ERVMER34-1: variants seen among roughly 807,000 people sequenced by gnomAD.
The protein encoded by ERVMER34-1 is endogenous retrovirus group MER34 member 1, envelope.
For synonymous variants in ERVMER34-1, 199 were observed against 111.7 expected (o/e 1.78, Z -4.93); for missense variants, 471 against 295.1 (o/e 1.60, Z -4.37).
chr4:52,744,597 C>A lies in ERVMER34-1; in HGVS notation c.924G>T (p.Gly308=), dbSNP rs747989896. The A allele has an allele frequency of 5.7e-6, 4 of 704,024 alleles. No individual in the cohort carries two copies. The South Asian group carries it at 5.9e-5, about 10-fold the overall frequency. 43.6% of individuals were successfully genotyped at this position (704,024 alleles called of 1,614,324 possible). The change falls in exon 3 of 3, where the codon GGG becomes GGT. Residue 308 remains glycine (G), a synonymous_variant. Transcript: ENST00000443173. The part of the protein sequence containing the change: ...FFLCGNGVYK[G]FPPKWSGRCG... ...ATCGCCCAGACCATTTAGGTGGAAA[C>A]CCTTTGTACACCCCATTGCCGCACA...
intron 2 of ERVMER34-1, among the ~76,000 whole-genome samples, chr4:52,747,183 C>CA (rs1002440926): frequency 2.6e-5 from 4 of 151,950 alleles, no homozygotes; most frequent in African/African-American, 9.7e-5. Flanking sequence ...GACCCAAGAT[C>CA]ACGCCACTGC....
rs1408808698 is a variant in ERVMER34-1, at chr4:52,744,607, A to AC, written c.913dup (p.Val305GlyfsTer8). 1 of 703,928 alleles carries AC rather than the reference A, an allele frequency of 1.4e-6. No individual in the cohort carries two copies. The highest frequency in any genetic ancestry group is 1.5e-5 in the South Asian group (1 of 67,582). The allele number at this position is 703,928 out of a possible 1,614,324, so 43.6% of individuals were successfully genotyped here. A position where few individuals can be genotyped will look rare whatever the true frequency, so the allele number is the denominator to read the frequency against. On this transcript the variant is annotated frameshift_variant, in exon 3 of 3. Transcript: ENST00000443173. LOFTEE classifies it low-confidence loss of function (END_TRUNC). ...CCATTTAGGTGGAAACCCTTTGTAC[A>AC]CCCCATTGCCGCACAAAAAAAAGAG...
intron 2 of ERVMER34-1, chr4:52,750,568 C>T (rs530832153): frequency 6.6e-6 from 1 of 152,194 alleles, no homozygotes; most frequent in Admixed American, 6.5e-5. Context: ...TGCCCCACAA[C>T]CTAAAACAGA....
In ERVMER34-1 at chr4:52,745,744, C is replaced by T. The variant is rs892494284; in HGVS notation, c.-224G>A. 29 of 552,544 alleles carry T rather than the reference C, an allele frequency of 5.2e-5. No homozygotes were observed. The highest frequency in any genetic ancestry group is 1.2e-4 in the South Asian group (5 of 43,358). 34.2% of individuals were successfully genotyped at this position (552,544 alleles called of 1,614,324 possible). A position where few individuals can be genotyped will look rare whatever the true frequency, so the allele number is the denominator to read the frequency against. On this transcript the variant is annotated 5_prime_UTR_variant, in exon 3 of 3. It removes the in-frame stop codon of an upstream open reading frame in the 5' UTR. Coordinates refer to ENST00000443173, the MANE Select transcript of ERVMER34-1 (RefSeq NM_001242690.2). ...CCTGTGAGTAGGTGCCAAAATTCCT[C>T]AATTTGAGGTAACCCATAGCCTTGG...
intron 2 of ERVMER34-1, among the ~76,000 whole-genome samples, chr4:52,746,922 C>T (rs1032429941): frequency 2.6e-5 from 4 of 152,138 alleles, no homozygotes; most frequent in Non-Finnish European, 5.9e-5. Flanking sequence ...TATGTTCTGA[C>T]GTTTGGAAAA....
rs370147701 is a variant in ERVMER34-1 at position 52,744,745 on chromosome 4, T to C, written c.776A>G (p.Lys259Arg). Residue 259 changes from lysine (K) to arginine (R), a missense_variant, in exon 3 of 3, where the codon AAA becomes AGA. Physicochemically the swap from Lys to Arg is conservative, Grantham distance 26. Transcript: ENST00000443173. ...TATGCTGGCATCTGCACATCTCCATTTCCCATGTGCCTCTGTCAGGCCATA... is the reference window on the plus strand; with the variant it reads ...TATGCTGGCATCTGCACATCTCCATCTCCCATGTGCCTCTGTCAGGCCATA... Reference protein sequence around the residue: ...CSYGLTEAHGKWRCADASITN... With the variant: ...CSYGLTEAHGRWRCADASITN... 7 of 704,160 alleles carry C rather than the reference T, an allele frequency of 9.9e-6. No homozygotes were observed. In the African/African-American group the frequency reaches 1.2e-4, roughly 12 times the overall value. The allele number at this position is 704,160 out of a possible 1,614,324, so 43.6% of individuals were successfully genotyped here.
rs1029878433 is a variant in ERVMER34-1 at position 52,745,155 on chromosome 4, A to T, written c.366T>A (p.Asn122Lys). The change falls in exon 3 of 3, where the codon AAT becomes AAA. Residue 122 changes from asparagine (N) to lysine (K), a missense_variant. By Grantham distance (94) the Asn-to-Lys change is moderately conservative (BLOSUM62 0). Coordinates refer to ENST00000443173, the MANE Select transcript of ERVMER34-1 (RefSeq NM_001242690.2). The part of the protein sequence containing the change: ...SFAQVRLLEG[N>K]FSLCVENKNG... ...TTTTATTTTCTACGCAAAGAGAAAA[A>T]TTTCCCTCCAATAACCTTACTTGAG... 7 of 703,974 alleles carry T rather than the reference A, an allele frequency of 9.9e-6. No individual in the cohort carries two copies. The highest frequency in any genetic ancestry group is 1.5e-5 in the South Asian group (1 of 67,604). 43.6% of individuals were successfully genotyped at this position (703,974 alleles called of 1,614,324 possible).
rs1481465850 is a variant in ERVMER34-1 at position 52,744,229 on chromosome 4, G to A, written c.1292C>T (p.Thr431Ile). The change falls in exon 3 of 3, where the codon ACC (threonine) becomes ATC (isoleucine). Residue 431 changes from threonine (T) to isoleucine (I), a missense_variant. Coordinates refer to ENST00000443173, the MANE Select transcript of ERVMER34-1 (RefSeq NM_001242690.2). ...RKDHVLDIPT[T>I]QRQTACGTVG... ...AGTTCCACAAGCCGTTTGTCGTTGG[G>A]TGGTCGGTATATCCAAGACATGATC... is the stretch of plus-strand genomic sequence containing the variant. 2 of 704,020 alleles carry A rather than the reference G, an allele frequency of 2.8e-6. No homozygotes were observed. Among genetic ancestry groups the A allele is most frequent in the Admixed American group, 2.0e-5 (1 of 49,992 alleles). 43.6% of individuals were successfully genotyped at this position (704,020 alleles called of 1,614,324 possible). A position where few individuals can be genotyped will look rare whatever the true frequency, so the allele number is the denominator to read the frequency against.
Position 52,744,221 on chromosome 4 carries a change from G to C in ERVMER34-1, c.1300C>G (p.Gln434Glu), listed in dbSNP as rs999087240. 2.1e-5 allele frequency: 15 copies of C among 703,992 alleles called. No individual in the cohort carries two copies. Among genetic ancestry groups the C allele is most frequent in the African/African-American group, 3.5e-5 (2 of 57,238 alleles). The allele number at this position is 703,992 out of a possible 1,614,324, so 43.6% of individuals were successfully genotyped here. A position where few individuals can be genotyped will look rare whatever the true frequency, so the allele number is the denominator to read the frequency against. Residue 434 changes from glutamine (Q) to glutamate (E), a missense_variant, in exon 3 of 3, where the codon CAA becomes GAA. Physicochemically the swap from Gln to Glu is conservative, Grantham distance 29. Transcript: ENST00000443173. ...HVLDIPTTQR[Q>E]TACGTVGKQC... The stretch of plus-strand genomic sequence containing the variant: ...TTGCCAACAGTTCCACAAGCCGTTT[G>C]TCGTTGGGTGGTCGGTATATCCAAG...
rs1225083266 is a variant in ERVMER34-1 at position 52,744,437 on chromosome 4, G to A, written c.1084C>T (p.Leu362=). The stretch of plus-strand genomic sequence containing the variant: ...GAATTGTCCTTGGGGTTGCAATACA[G>A]AGGTGGATTGTCTGTGTCTCCTTGG... The part of the protein sequence containing the change: ...CTQGDTDNPP[L]YCNPKDNSTI... The change falls in exon 3 of 3, where the codon CTG becomes TTG. Residue 362 remains leucine (L), a synonymous_variant. Coordinates refer to ENST00000443173, the MANE Select transcript of ERVMER34-1 (RefSeq NM_001242690.2). The A allele has an allele frequency of 1.4e-6, 1 of 704,038 alleles. No homozygotes were observed. Among genetic ancestry groups the A allele is most frequent in the Non-Finnish European group, 2.6e-6 (1 of 385,016 alleles). The allele number at this position is 704,038 out of a possible 1,614,324, so 43.6% of individuals were successfully genotyped here. A position where few individuals can be genotyped will look rare whatever the true frequency, so the allele number is the denominator to read the frequency against.
chr4:52,746,475 A>G (rs1716159708), intron 2 of ERVMER34-1, among the ~76,000 whole-genome samples: 4 of 152,242 alleles, frequency 2.6e-5, no homozygotes, highest in Admixed American at 2.6e-4. Flanking sequence ...AATTTTAATG[A>G]ATATCCAAGA....
chr4:52,743,915 G>A lies in ERVMER34-1; in HGVS notation c.1606C>T (p.Leu536Phe). 1.4e-6 allele frequency: 2 copies of A among 1,401,630 alleles called. No homozygotes were observed. Among genetic ancestry groups the A allele is most frequent in the South Asian group, 1.2e-5 (1 of 81,236 alleles). 86.8% of individuals were successfully genotyped at this position (1,401,630 alleles called of 1,614,324 possible). A position where few individuals can be genotyped will look rare whatever the true frequency, so the allele number is the denominator to read the frequency against. ...TGACATGAAGTTTCACTGACAAGGA[G>A]CTGTGCTGATTGCTGTGGAGATAAG... ...LALSPQQSAQ[L>F]LVSETSCQVS... The change falls in exon 3 of 3, where the codon CTC becomes TTC. Residue 536 changes from leucine (L) to phenylalanine (F), a missense_variant. Coordinates refer to ENST00000443173, the MANE Select transcript of ERVMER34-1 (RefSeq NM_001242690.2).
rs763404336 is a variant in ERVMER34-1, at chr4:52,744,702, A to G, written c.819T>C (p.His273=). The change falls in exon 3 of 3, where the codon CAT becomes CAC. Residue 273 remains histidine (H), a synonymous_variant. Transcript: ENST00000443173. ...ACCAGGTGGGGGTCCGGTGTCCATC[A>G]TGACCTTTGTCATTAGTTATGCTGG... The part of the protein sequence containing the change: ...ADASITNDKG[H]DGHRTPTWWL... The G allele has an allele frequency of 1.4e-5, 10 of 704,056 alleles. No homozygotes were observed. Among genetic ancestry groups the G allele is most frequent in the Non-Finnish European group, 2.6e-6 (1 of 385,018 alleles). The allele number at this position is 704,056 out of a possible 1,614,324, so 43.6% of individuals were successfully genotyped here.
chr4:52,748,668 T>C (rs1359939928), intron 2 of ERVMER34-1, among the ~76,000 whole-genome samples: 11 of 152,022 alleles, frequency 7.2e-5, no homozygotes, highest in Non-Finnish European at 1.5e-5. Flanking sequence ...CTCTACATGC[T>C]CTCCCAGGCA....
At chr4:52,748,011 T>G (rs957693406) in intron 2 of ERVMER34-1, 16 of 155,738 alleles carry the variant, frequency 1.0e-4, no homozygotes, top group African/African-American at 3.9e-4. Flanking sequence ...CACTCCAGCC[T>G]GGGCAACAAG....
intron 2 of ERVMER34-1, chr4:52,748,293 A>G: frequency 6.0e-6 from 1 of 165,902 alleles, no homozygotes; most frequent in South Asian, 1.5e-4. Context: ...CACATTTGTG[A>G]TATTTTTGCA....
chr4:52,744,581 A>C lies in ERVMER34-1; in HGVS notation c.940T>G (p.Ser314Ala), dbSNP rs1012207929. The C allele has an allele frequency of 5.7e-6, 4 of 703,924 alleles. No individual in the cohort carries two copies. The highest frequency in any genetic ancestry group is 1.0e-5 in the Non-Finnish European group (4 of 384,998). The allele number at this position is 703,924 out of a possible 1,614,324, so 43.6% of individuals were successfully genotyped here. A position where few individuals can be genotyped will look rare whatever the true frequency, so the allele number is the denominator to read the frequency against. ...AGATACCCAAGTCCACATCGCCCAG[A>C]CCATTTAGGTGGAAACCCTTTGTAC... ...GVYKGFPPKWSGRCGLGYLVP... is the reference protein window; with the variant it reads ...GVYKGFPPKWAGRCGLGYLVP... Residue 314 changes from serine (S) to alanine (A), a missense_variant, in exon 3 of 3, where the codon TCT becomes GCT. Transcript: ENST00000443173.
intron 2 of ERVMER34-1, among the ~76,000 whole-genome samples, chr4:52,748,747 C>G (rs1258616179): frequency 6.6e-6 from 1 of 152,206 alleles, no homozygotes; most frequent in Non-Finnish European, 1.5e-5. Flanking sequence ...TTTTTATTTA[C>G]TCAGTTTTGA....
rs775789576 is a variant in ERVMER34-1, at chr4:52,744,700, T to G, written c.821A>C (p.Asp274Ala). 4.3e-6 allele frequency: 3 copies of G among 704,044 alleles called. No homozygotes were observed. The highest frequency in any genetic ancestry group is 7.8e-6 in the Non-Finnish European group (3 of 385,014). The allele number at this position is 704,044 out of a possible 1,614,324, so 43.6% of individuals were successfully genotyped here. A position where few individuals can be genotyped will look rare whatever the true frequency, so the allele number is the denominator to read the frequency against. Reference protein sequence around the residue: ...DASITNDKGHDGHRTPTWWLT... With the variant: ...DASITNDKGHAGHRTPTWWLT... ...CCACCAGGTGGGGGTCCGGTGTCCA[T>G]CATGACCTTTGTCATTAGTTATGCT... The change falls in exon 3 of 3, where the codon GAT (aspartate) becomes GCT (alanine). Residue 274 changes from aspartate (D) to alanine (A), a missense_variant. By Grantham distance (126) the Asp-to-Ala change is moderately radical. Transcript: ENST00000443173.
Sources: allele counts gnomAD v4.1 joint callset (sites outside exome capture counted in the v4.1 genomes callset), GRCh38; gene constraint gnomAD v4.1.1; transcripts MANE v1.5; gene names NCBI Gene and HGNC (gene_info 2026-07-23, HGNC 2026-07-21).